SMIM21: variants seen among roughly 807,000 people sequenced by gnomAD.
SMIM21 encodes the protein chromosome 18 open reading frame 62.
A neutral mutation model predicts 8.6 loss-of-function variants in SMIM21; 8 were observed. The ratio of observed to expected loss-of-function variants is 0.93; its 90% CI spans 0.55 to 1.68. SMIM21 has a LOEUF of 1.68. Ranked by LOEUF, SMIM21 falls within the 40% of genes most tolerant of loss-of-function variation. The pLI is 0.00. For missense variants in SMIM21, 132 were observed against 123.0 expected, an observed-to-expected ratio of 1.07 and a Z score of -0.35; for synonymous variants, 43 against 41.7, an observed-to-expected ratio of 1.03 and a Z score of -0.12.
At chr18:75,426,385 C>G (rs1426520137) in intron 1 of SMIM21, among the ~76,000 whole-genome samples, 1 of 151,964 alleles carries the variant, frequency 6.6e-6, no homozygotes, top group Non-Finnish European at 1.5e-5. Context: ...TCTCGGCTCA[C>G]TGCAAGCTCT....
chr18:75,426,597 C>A (rs1162614620), intron 1 of SMIM21, among the ~76,000 whole-genome samples: 1 of 131,010 alleles, frequency 7.6e-6, no homozygotes, highest in East Asian at 2.4e-4. Context: ...GCATGAGCCA[C>A]TGCACCCGGC....
At chr18:75,415,682 A>G (rs2024636496) in intron 2 of SMIM21, among the ~76,000 whole-genome samples, 1 of 152,246 alleles carries the variant, frequency 6.6e-6, no homozygotes, top group Non-Finnish European at 1.5e-5. Flanking sequence ...TATAGGATGT[A>G]TCTAATCATC....
At chr18:75,414,076 C>CACACACACACACAT (rs748405673) in intron 2 of SMIM21, among the ~76,000 whole-genome samples, 19,912 of 85,288 alleles carry the variant, frequency 0.23, 1,863 homozygotes, top group East Asian at 0.6. Flanking sequence ...CTCTCTGTCT[C>CACACACACACACAT]ACACACACAC....
At position 75,427,701 on chromosome 18, in the gene SMIM21, A is replaced by G; in HGVS notation, c.-138T>C. ...CTTTGCCAACCTTGAAGATCTGGGTATTATTTTATGAAGCTGGATGGAATC... is the reference window on the plus strand; with the variant it reads ...CTTTGCCAACCTTGAAGATCTGGGTGTTATTTTATGAAGCTGGATGGAATC... On this transcript the variant is annotated 5_prime_UTR_variant, in exon 1 of 3. Transcript: ENST00000579022. 1.2e-6 allele frequency: 1 copy of G among 835,882 alleles called. No homozygotes were observed. 51.8% of individuals were successfully genotyped at this position (835,882 alleles called of 1,614,324 possible).
rs1322775001 is a variant in SMIM21 at position 75,410,247 on chromosome 18, G to T, written c.*617C>A. On this transcript the variant is annotated 3_prime_UTR_variant, in exon 3 of 3. Coordinates refer to ENST00000579022, the MANE Select transcript of SMIM21 (RefSeq NM_001037331.3). Reference sequence around the variant, plus strand: ...GGTGCAGTTTTCTACTTGACTGAGGGTTAGTTCATTAGGTCACAATCAGTA... The same window carrying T: ...GGTGCAGTTTTCTACTTGACTGAGGTTTAGTTCATTAGGTCACAATCAGTA... The T allele has an allele frequency of 1.3e-5, 2 of 152,632 alleles. No homozygotes were observed. Among genetic ancestry groups the T allele is most frequent in the Non-Finnish European group, 2.9e-5 (2 of 68,098 alleles). 9.5% of individuals were successfully genotyped at this position (152,632 alleles called of 1,614,324 possible). A position where few individuals can be genotyped will look rare whatever the true frequency, so the allele number is the denominator to read the frequency against.
intron 1 of SMIM21, among the ~76,000 whole-genome samples, chr18:75,424,368 A>G (rs1599109671): frequency 6.6e-6 from 1 of 152,244 alleles, no homozygotes; most frequent in Non-Finnish European, 1.5e-5. Flanking sequence ...GCAATATTAT[A>G]TAGAAATCTG....
At position 75,425,134 on chromosome 18, in the gene SMIM21, C is replaced by T. The variant is rs1160795279; in HGVS notation, c.129+2301G>A. Among the ~76,000 whole-genome samples, 3 of 152,198 alleles carry T rather than the reference C, an allele frequency of 2.0e-5. No individual in the cohort carries two copies. The East Asian group carries it at 5.8e-4, about 29-fold the overall frequency. On this transcript the variant is annotated intron_variant, in intron 1 of 2. Transcript: ENST00000579022. Reference sequence around the variant, plus strand: ...CCAGTGGAACAGGCTGTCTGTTGTACTGGAACCAATGTGAGCTTTTGGATT... The same window carrying T: ...CCAGTGGAACAGGCTGTCTGTTGTATTGGAACCAATGTGAGCTTTTGGATT...
At chr18:75,419,636 T>C (rs1024610788) in intron 1 of SMIM21, among the ~76,000 whole-genome samples, 3 of 152,194 alleles carry the variant, frequency 2.0e-5, no homozygotes, top group Admixed American at 2.0e-4. Context: ...AAGTTTTATT[T>C]AGCATTCTTC....
At chr18:75,422,263 T>C (rs1015660253) in intron 1 of SMIM21, among the ~76,000 whole-genome samples, 3 of 152,152 alleles carry the variant, frequency 2.0e-5, no homozygotes, top group African/African-American at 7.2e-5. Context: ...TATAGGAATT[T>C]GACTCAATGG....
At chr18:75,425,723 A>T (rs1033287647) in intron 1 of SMIM21, among the ~76,000 whole-genome samples, 2 of 152,224 alleles carry the variant, frequency 1.3e-5, no homozygotes, top group African/African-American at 4.8e-5. Context: ...AAAATAGCAG[A>T]AGTGGGACCC....
intron 2 of SMIM21, 35 bp from the exon 3 acceptor site, chr18:75,410,944 T>C (rs1487812331): frequency 1.2e-6 from 2 of 1,611,262 alleles, no homozygotes; most frequent in Admixed American, 1.7e-5. Flanking sequence ...AGCATTTTAT[T>C]TTTTTGATAG....
chr18:75,418,140 G>A lies in SMIM21; in HGVS notation c.260+646C>T, dbSNP rs775912210. 17 of 398,284 alleles carry A rather than the reference G, an allele frequency of 4.3e-5. No individual in the cohort carries two copies. The Admixed American group carries it at 7.0e-4, about 17-fold the overall frequency. The allele number at this position is 398,284 out of a possible 1,614,324, so 24.7% of individuals were successfully genotyped here. On this transcript the variant is annotated intron_variant, in intron 2 of 2. Transcript: ENST00000579022. ...ATTTTTATTTTTCCGAGTGAGGCTG[G>A]GTATGTTGAAAACACAAAAAGCCTA...
At chr18:75,422,627 C>T (rs1034844345) in intron 1 of SMIM21, among the ~76,000 whole-genome samples, 14 of 152,092 alleles carry the variant, frequency 9.2e-5, no homozygotes, top group Admixed American at 8.5e-4. Flanking sequence ...GAATATTAGT[C>T]AGCCACAAAA....
chr18:75,424,914 C>T (rs942441185), intron 1 of SMIM21, among the ~76,000 whole-genome samples: 1 of 152,220 alleles, frequency 6.6e-6, no homozygotes, highest in African/African-American at 2.4e-5. Context: ...GCTTTTAAAG[C>T]TTCTGCTCAG....
chr18:75,420,988 A>G (rs2024702365), intron 1 of SMIM21, among the ~76,000 whole-genome samples: 1 of 152,182 alleles, frequency 6.6e-6, no homozygotes, highest in Non-Finnish European at 1.5e-5. Flanking sequence ...GAATCCTAAG[A>G]GCATGAACAA....
chr18:75,412,107 C>T (rs1014049793), intron 2 of SMIM21, among the ~76,000 whole-genome samples: 2 of 152,166 alleles, frequency 1.3e-5, no homozygotes, highest in African/African-American at 4.8e-5. Context: ...TTCCAAATGT[C>T]CCCCAAGGCT....
In SMIM21 at chr18:75,409,577, G is replaced by A. The variant is rs1210656872; in HGVS notation, c.*1287C>T. 2.0e-5 allele frequency: 3 copies of A among 152,224 alleles called. No individual in the cohort carries two copies. Among genetic ancestry groups the A allele is most frequent in the African/African-American group, 7.2e-5 (3 of 41,440 alleles). The allele number at this position is 152,224 out of a possible 1,614,324, so 9.4% of individuals were successfully genotyped here. ...TCATTGTTGACCTCACTGGGTTCAC[G>A]TGTGATGCAGCGCAATGGGATCTGG... On this transcript the variant is annotated 3_prime_UTR_variant, in exon 3 of 3. Coordinates refer to ENST00000579022, the MANE Select transcript of SMIM21 (RefSeq NM_001037331.3).
At chr18:75,419,202 G>A (rs1054053971) in intron 1 of SMIM21, among the ~76,000 whole-genome samples, 6 of 152,170 alleles carry the variant, frequency 3.9e-5, no homozygotes, top group Non-Finnish European at 7.3e-5. Flanking sequence ...CTATGAAACC[G>A]AGTTCCCTAT....
At chr18:75,427,318 T>G in intron 1 of SMIM21, 117 bp downstream of exon 1, 1 of 1,208,276 alleles carries the variant, frequency 8.3e-7, no homozygotes, top group South Asian at 2.0e-5. Flanking sequence ...TCGTAGAATC[T>G]GGATTTGAGA....
Sources: allele counts gnomAD v4.1 joint callset (sites outside exome capture counted in the v4.1 genomes callset), GRCh38; gene constraint gnomAD v4.1.1; transcripts MANE v1.5; gene names NCBI Gene and HGNC (gene_info 2026-07-23, HGNC 2026-07-21).